UNC5D: variants seen among roughly 807,000 people sequenced by gnomAD.
The protein encoded by UNC5D is unc-5 netrin receptor D.
In UNC5D, 39 loss-of-function variants were observed where a neutral mutation model predicts 105.4. That is an observed-to-expected ratio of 0.37 (90% CI 0.29 to 0.48). The LOEUF (loss-of-function observed/expected upper bound fraction) is 0.48. Ranked by LOEUF, UNC5D falls within the 20% of genes least tolerant of loss-of-function variation. The pLI is 0.98. For missense variants in UNC5D, 991 were observed against 1,202.4 expected, an observed-to-expected ratio of 0.82 and a Z score of 2.60; for synonymous variants, 452 against 450.4, an observed-to-expected ratio of 1.00 and a Z score of -0.04.
At chr8:35,481,804 T>C (rs140469971) in intron 1 of UNC5D, among the ~76,000 whole-genome samples, 1 of 152,214 alleles carries the variant, frequency 6.6e-6, no homozygotes, top group African/African-American at 2.4e-5. Flanking sequence ...ATATTCTCTA[T>C]TTTTATTTAA....
At chr8:35,726,089 A>AAGT in intron 9 of UNC5D, 63 bp from the exon 10 acceptor site, 2 of 1,538,858 alleles carry the variant, frequency 1.3e-6, no homozygotes, top group Non-Finnish European at 1.7e-6. Flanking sequence ...GCAGAGGCAG[A>AAGT]AGTACAGGAG....
Position 35,272,860 on chromosome 8 carries a change from G to A in UNC5D, c.103+36973G>A, listed in dbSNP as rs148041375. On this transcript the variant is annotated intron_variant, in intron 1 of 16. Coordinates refer to ENST00000404895, the MANE Select transcript of UNC5D (RefSeq NM_080872.4). ...GGGTGGTGATGTCCAGTCTTCCAGA[G>A]TTTGAAAAGTTGTGTAGTGCCTAGT... Among the ~76,000 whole-genome samples, 1,224 of 152,344 alleles carry A rather than the reference G, an allele frequency of 8.0e-3. 9 individuals are homozygous for A. The highest frequency in any genetic ancestry group is 0.014 in the Non-Finnish European group (965 of 68,030).
chr8:35,760,552 T>C (rs1425001879), intron 14 of UNC5D, among the ~76,000 whole-genome samples: 2 of 152,162 alleles, frequency 1.3e-5, no homozygotes, highest in African/African-American at 4.8e-5. Flanking sequence ...AAATTCCCAG[T>C]GATACATATT....
intron 4 of UNC5D, among the ~76,000 whole-genome samples, chr8:35,611,010 CAAAAA>C (rs11314770): frequency 9.2e-4 from 55 of 60,084 alleles, no homozygotes; most frequent in South Asian, 6.7e-3. Flanking sequence ...GACAAAGAAG[CAAAAA>C]AAAAAAAAAA....
Position 35,400,965 on chromosome 8 carries a change from C to T in UNC5D, c.104-148327C>T, listed in dbSNP as rs564191536. Among the ~76,000 whole-genome samples the T allele has an allele frequency of 2.6e-5, 4 of 152,192 alleles. No individual in the cohort carries two copies. In the East Asian group the frequency reaches 5.8e-4, roughly 22 times the overall value. On this transcript the variant is annotated intron_variant, in intron 1 of 16. Coordinates refer to ENST00000404895, the MANE Select transcript of UNC5D (RefSeq NM_080872.4). ...AGCACTGGATGTGTCCCCAGGAAGC[C>T]GTCAGTCCTGCTGATTTCTTGGCAC...
intron 1 of UNC5D, among the ~76,000 whole-genome samples, chr8:35,515,956 TTCTA>T (rs1399052729): frequency 1.3e-5 from 2 of 152,116 alleles, no homozygotes; most frequent in Non-Finnish European, 2.9e-5. Context: ...GACTTAGTTT[TTCTA>T]TCTTAGTTTT....
intron 1 of UNC5D, among the ~76,000 whole-genome samples, chr8:35,284,763 A>G (rs927842962): frequency 6.6e-6 from 1 of 151,882 alleles, no homozygotes; most frequent in African/African-American, 2.4e-5. Flanking sequence ...GGGGTTTCAC[A>G]ATGTTAGCCA....
chr8:35,592,461 A>C (rs1819231737), intron 3 of UNC5D, among the ~76,000 whole-genome samples: 1 of 152,194 alleles, frequency 6.6e-6, no homozygotes, highest in African/African-American at 2.4e-5. Flanking sequence ...GAGCTCATAT[A>C]GGTGATTAAA....
chr8:35,314,639 T>G (rs1408645663), intron 1 of UNC5D, among the ~76,000 whole-genome samples: 1 of 152,182 alleles, frequency 6.6e-6, no homozygotes, highest in Non-Finnish European at 1.5e-5. Flanking sequence ...AGACGTTTAT[T>G]TAAAGACATT....
chr8:35,749,045 A>G (rs547263361), intron 12 of UNC5D, among the ~76,000 whole-genome samples: 2 of 152,218 alleles, frequency 1.3e-5, no homozygotes, highest in Admixed American at 1.3e-4. Context: ...GGAGTTAGGG[A>G]GGAGGTTCAG....
At chr8:35,443,099 AT>A (rs1807546013) in intron 1 of UNC5D, among the ~76,000 whole-genome samples, 1 of 151,724 alleles carries the variant, frequency 6.6e-6, no homozygotes, top group Non-Finnish European at 1.5e-5. Context: ...ATATTCACAT[AT>A]TTTCTTTATA....
chr8:35,347,371 T>C (rs1811880064), intron 1 of UNC5D, among the ~76,000 whole-genome samples: 1 of 152,006 alleles, frequency 6.6e-6, no homozygotes, highest in Non-Finnish European at 1.5e-5. Context: ...TTTGCTTACA[T>C]GTGTGATGAA....
chr8:35,572,814 T>A (rs1051736258), intron 3 of UNC5D, among the ~76,000 whole-genome samples: 1 of 150,770 alleles, frequency 6.6e-6, no homozygotes, highest in South Asian at 2.1e-4. Flanking sequence ...CTTTTTTTTT[T>A]TTTTTTTGAG....
At chr8:35,324,172 G>A (rs2128888729) in intron 1 of UNC5D, among the ~76,000 whole-genome samples, 1 of 137,280 alleles carries the variant, frequency 7.3e-6, no homozygotes. Context: ...GGTTAAGGCT[G>A]CAGTGAGCAA....
chr8:35,739,026 A>G (rs1829614167), intron 11 of UNC5D, among the ~76,000 whole-genome samples: 1 of 152,190 alleles, frequency 6.6e-6, no homozygotes, highest in Non-Finnish European at 1.5e-5. Context: ...ATCACTGAGG[A>G]AAGATGCCTC....
At chr8:35,708,090 A>G (rs955046654) in intron 8 of UNC5D, among the ~76,000 whole-genome samples, 1 of 152,170 alleles carries the variant, frequency 6.6e-6, no homozygotes, top group African/African-American at 2.4e-5. Context: ...ATCAAAGTCA[A>G]TTATGAAGAT....
chr8:35,761,932 G>C (rs1273480819), intron 14 of UNC5D, among the ~76,000 whole-genome samples: 1 of 152,148 alleles, frequency 6.6e-6, no homozygotes, highest in Non-Finnish European at 1.5e-5. Flanking sequence ...ATGGATAATG[G>C]CTTTTCATTA....
At chr8:35,671,195 CTT>C (rs1258077996) in intron 4 of UNC5D, among the ~76,000 whole-genome samples, 2 of 152,062 alleles carry the variant, frequency 1.3e-5, no homozygotes, top group Non-Finnish European at 2.9e-5. Context: ...TCCGTGATCT[CTT>C]GAGTGTCTCT....
chr8:35,534,682 C>T (rs1222567439), intron 1 of UNC5D, among the ~76,000 whole-genome samples: 1 of 151,742 alleles, frequency 6.6e-6, no homozygotes, highest in Non-Finnish European at 1.5e-5. Flanking sequence ...ATAGGTCCTT[C>T]CTGGGATATA....
Sources: allele counts gnomAD v4.1 joint callset (sites outside exome capture counted in the v4.1 genomes callset), GRCh38; gene constraint gnomAD v4.1.1; transcripts MANE v1.5; gene names NCBI Gene and HGNC (gene_info 2026-07-23, HGNC 2026-07-21).